NDRG1: variants seen among roughly 807,000 people sequenced by gnomAD.
The protein encoded by NDRG1 is protein NDRG1.
In NDRG1, 32 loss-of-function variants were observed where a neutral mutation model predicts 56.9. That is an observed-to-expected ratio of 0.56 (90% CI 0.42 to 0.76). NDRG1 has a LOEUF of 0.76. Among genes scored for constraint, NDRG1 ranks in the 30% least tolerant of loss-of-function variants. The pLI is 0.00. For synonymous variants in NDRG1, 211 were observed against 204.1 expected, an observed-to-expected ratio of 1.03 and a Z score of -0.29; for missense variants, 507 against 545.7, an observed-to-expected ratio of 0.93 and a Z score of 0.71.
chr8:133,287,436 T>C (rs1858181908), intron 1 of NDRG1, among the ~76,000 whole-genome samples: 2 of 152,222 alleles, frequency 1.3e-5, no homozygotes, highest in Admixed American at 1.3e-4. Flanking sequence ...GCTATGGTGA[T>C]GAGACTGGCT....
chr8:133,262,349 G>A (rs1046946224), intron 4 of NDRG1, 182 bp from the exon 5 acceptor site: 1 of 687,226 alleles, frequency 1.5e-6, no homozygotes, highest in Non-Finnish European at 2.4e-6. Context: ...ACTTTCCTCT[G>A]CTGATAAAAA....
chr8:133,261,388 C>T (rs2130734159), intron 5 of NDRG1, among the ~76,000 whole-genome samples: 1 of 151,966 alleles, frequency 6.6e-6, no homozygotes, highest in South Asian at 2.1e-4. Context: ...ACCTTGGCCT[C>T]CCAAAGTGCT....
At chr8:133,276,046 A>G (rs1312448069) in intron 3 of NDRG1, among the ~76,000 whole-genome samples, 2 of 152,268 alleles carry the variant, frequency 1.3e-5, no homozygotes, top group African/African-American at 4.8e-5. Context: ...CACAATAGGG[A>G]AAATGCTCCG....
chr8:133,284,703 C>T (rs1858004346), intron 1 of NDRG1: 1 of 457,864 alleles, frequency 2.2e-6, no homozygotes, highest in African/African-American at 2.0e-5. Flanking sequence ...ATCCCAAAGT[C>T]AGGCAGCCCC....
intron 3 of NDRG1, among the ~76,000 whole-genome samples, chr8:133,266,372 G>A (rs1334703312): frequency 3.3e-5 from 5 of 152,220 alleles, no homozygotes; most frequent in African/African-American, 4.8e-5. Context: ...GCAGAAATGC[G>A]ACCCATACAG....
At position 133,238,766 on chromosome 8, in the gene NDRG1, T is replaced by C. The variant is rs1418150758; in HGVS notation, c.*112A>G. 1 of 1,260,540 alleles carries C rather than the reference T, an allele frequency of 7.9e-7. No homozygotes were observed. The highest frequency in any genetic ancestry group is 1.1e-6 in the Non-Finnish European group (1 of 930,436). The allele number at this position is 1,260,540 out of a possible 1,614,324, so 78.1% of individuals were successfully genotyped here. On this transcript the variant is annotated 3_prime_UTR_variant, in exon 16 of 16. Coordinates refer to ENST00000323851, the MANE Select transcript of NDRG1 (RefSeq NM_006096.4). The stretch of plus-strand genomic sequence containing the variant: ...AGAGCTCACTCTTACAAAATAAGCT[T>C]TGGATTAATACCGAGTTAGGCGCAG...
At chr8:133,270,564 T>C (rs1008253567) in intron 3 of NDRG1, among the ~76,000 whole-genome samples, 1 of 152,134 alleles carries the variant, frequency 6.6e-6, no homozygotes, top group African/African-American at 2.4e-5. Context: ...AACTTGACCT[T>C]TTGATTCTTG....
At chr8:133,265,346 C>T (rs1856862759) in intron 3 of NDRG1, among the ~76,000 whole-genome samples, 1 of 152,196 alleles carries the variant, frequency 6.6e-6, no homozygotes, top group Non-Finnish European at 1.5e-5. Flanking sequence ...GTAGCAGCCA[C>T]ATTGTCACCG....
chr8:133,244,372 G>T lies in NDRG1; in HGVS notation c.874C>A (p.Leu292Ile), dbSNP rs745520295. The T allele has an allele frequency of 1.3e-5, 21 of 1,614,120 alleles. No homozygotes were observed. The East Asian group carries it at 4.5e-4, about 34-fold the overall frequency. The change falls in exon 14 of 16, where the codon CTC (leucine) becomes ATC (isoleucine). Residue 292 changes from leucine to isoleucine, a missense_variant. Coordinates refer to ENST00000323851, the MANE Select transcript of NDRG1 (RefSeq NM_006096.4). ...GCACTCACCTGGGAGATCTGCGGGA[G>T]GCCGCCACAGTCCGCCATCTAGGAG... The part of the protein sequence containing the change: ...TLLKMADCGG[L>I]PQISQPAKLA...
Position 133,250,450 on chromosome 8 carries a change from C to T in NDRG1, c.688G>A (p.Ala230Thr). The change falls in exon 10 of 16, where the codon GCC (alanine) becomes ACC (threonine). Residue 230 changes from alanine to threonine, a missense_variant. Coordinates refer to ENST00000323851, the MANE Select transcript of NDRG1 (RefSeq NM_006096.4). ...ACTACATCCCAATACCTGTTGTAGG[C>T]ATTGATGAACAGGTGCAGGTTGCCG... The part of the protein sequence containing the change: ...NPGNLHLFIN[A>T]YNSRRDLEIE... 6.2e-7 allele frequency: 1 copy of T among 1,613,020 alleles called. No homozygotes were observed. Among genetic ancestry groups the T allele is most frequent in the South Asian group, 1.1e-5 (1 of 91,056 alleles).
In NDRG1 at chr8:133,238,779, G is replaced by A. The variant is rs939297057; in HGVS notation, c.*99C>T. The A allele has an allele frequency of 8.2e-6, 11 of 1,344,192 alleles. No individual in the cohort carries two copies. The highest frequency in any genetic ancestry group is 1.4e-5 in the South Asian group (1 of 72,190). The allele number at this position is 1,344,192 out of a possible 1,614,324, so 83.3% of individuals were successfully genotyped here. On this transcript the variant is annotated 3_prime_UTR_variant, in exon 16 of 16. Coordinates refer to ENST00000323851, the MANE Select transcript of NDRG1 (RefSeq NM_006096.4). ...ACAAAATAAGCTTTGGATTAATACC[G>A]AGTTAGGCGCAGTATGGCAGGCAGG...
chr8:133,287,224 A>G (rs1231422793), intron 1 of NDRG1, among the ~76,000 whole-genome samples: 1 of 152,228 alleles, frequency 6.6e-6, no homozygotes, highest in East Asian at 1.9e-4. Flanking sequence ...GGCTCAAGCC[A>G]GGGAAAGGGG....
intron 1 of NDRG1, among the ~76,000 whole-genome samples, chr8:133,288,006 C>T (rs1174670905): frequency 1.3e-5 from 2 of 152,120 alleles, no homozygotes; most frequent in African/African-American, 4.8e-5. Context: ...GACACACTTG[C>T]AAACTTTCAT....
chr8:133,248,514 G>T (rs914919789), intron 11 of NDRG1, among the ~76,000 whole-genome samples: 3 of 152,204 alleles, frequency 2.0e-5, no homozygotes, highest in African/African-American at 7.2e-5. Context: ...CCTAGGTCAT[G>T]GGGACACCCT....
intron 3 of NDRG1, among the ~76,000 whole-genome samples, chr8:133,271,652 C>T (rs959738173): frequency 6.6e-6 from 1 of 151,762 alleles, no homozygotes; most frequent in African/African-American, 2.4e-5. Context: ...TGGTGGCTCA[C>T]GCCTATAGTC....
intron 5 of NDRG1, among the ~76,000 whole-genome samples, chr8:133,261,801 T>C (rs1856671630): frequency 1.3e-5 from 2 of 152,266 alleles, no homozygotes; most frequent in East Asian, 1.9e-4. Flanking sequence ...GTCCTGGAGA[T>C]GGATGGTGGT....
Position 133,257,282 on chromosome 8 carries a change from TACACACACACACACACACAC to T in NDRG1, c.451-439_451-420del, listed in dbSNP as rs58312135. ...CTTACTTCCAGGATAAACACATGCA[TACACACACACACACACACAC>T]ACACACACACACACAGAGAGAGAGA... On this transcript the variant is annotated intron_variant, in intron 7 of 15. Transcript: ENST00000323851. Among the ~76,000 whole-genome samples, 79 of 146,822 alleles carry T rather than the reference TACACACACACACACACACAC, an allele frequency of 5.4e-4. 1 individual carries two copies. The highest frequency in any genetic ancestry group is 1.9e-3 in the African/African-American group (78 of 40,168).
In NDRG1 at chr8:133,280,221, C is replaced by G; in HGVS notation, c.99+11G>C. 1.2e-6 allele frequency: 2 copies of G among 1,614,004 alleles called. No individual in the cohort carries two copies. Among genetic ancestry groups the G allele is most frequent in the African/African-American group, 1.3e-5 (1 of 75,028 alleles). On this transcript the variant is annotated intron_variant, in intron 3 of 15. Transcript: ENST00000323851. ...TGAGGAAGGGGAAGGAAAGCCACAT[C>G]CTCTACTTGCCTGGACATCAAACTC...
At chr8:133,294,277 C>A (rs1858606785) in intron 1 of NDRG1, among the ~76,000 whole-genome samples, 1 of 152,220 alleles carries the variant, frequency 6.6e-6, no homozygotes, top group African/African-American at 2.4e-5. Context: ...CTGAAACTCT[C>A]CTGGCCTCAG....
Sources: allele counts gnomAD v4.1 joint callset (sites outside exome capture counted in the v4.1 genomes callset), GRCh38; gene constraint gnomAD v4.1.1; transcripts MANE v1.5; gene names NCBI Gene and HGNC (gene_info 2026-07-23, HGNC 2026-07-21).